PRKCZ: variants seen among roughly 807,000 people sequenced by gnomAD.
PRKCZ encodes the protein protein kinase C zeta type.
A neutral mutation model predicts 79.5 loss-of-function variants in PRKCZ; 33 were observed. The ratio of observed to expected loss-of-function variants is 0.41; its 90% confidence interval spans 0.31 to 0.55. The LOEUF is 0.55. PRKCZ is among the 20% of genes least tolerant of loss of function. PRKCZ has a pLI of 0.19. For missense variants in PRKCZ, 578 were observed against 813.5 expected (o/e 0.71, Z 3.52); for synonymous variants, 342 against 320.9 (o/e 1.07, Z -0.70).
chr1:2,178,886 G>A lies in PRKCZ; in HGVS notation c.1575+3573G>A, dbSNP rs72925877. On this transcript the variant is annotated intron_variant, in intron 16 of 17. Transcript: ENST00000378567. The surrounding 1 kb of genome is among the most constrained non-coding windows in gnomAD (Gnocchi z 4.3). ...TGAAAGGACACAGTGCCCGCCCCCC[G>A]AGTGTCCGAGGGTAGAGCTGGGACA... Among the ~76,000 whole-genome samples the A allele has an allele frequency of 9.5e-3, 1,443 of 152,294 alleles. 35 individuals are homozygous for A. The highest frequency in any genetic ancestry group is 0.032 in the African/African-American group (1,339 of 41,558).
At chr1:2,134,909 GA>G in intron 4 of PRKCZ, 1 of 170,362 alleles carries the variant, frequency 5.9e-6, no homozygotes, top group Non-Finnish European at 1.3e-5. Context: ...GGGTGGAAAG[GA>G]AAACAGGCAG....
chr1:2,154,447 A>G (rs1210134141), intron 9 of PRKCZ, among the ~76,000 whole-genome samples: 1 of 152,202 alleles, frequency 6.6e-6, no homozygotes, highest in East Asian at 1.9e-4. Context: ...ACACAGTCTC[A>G]GAGGCTAAAT....
chr1:2,055,364 G>C, intron 1 of PRKCZ, 77 bp from the exon 2 acceptor site: 6 of 1,492,446 alleles, frequency 4.0e-6, no homozygotes, highest in Non-Finnish European at 5.4e-6. Flanking sequence ...TCAATGATTT[G>C]GTTAGTTGGT....
At chr1:2,110,251 T>C (rs937231847) in intron 4 of PRKCZ, among the ~76,000 whole-genome samples, 1 of 151,566 alleles carries the variant, frequency 6.6e-6, no homozygotes, top group Non-Finnish European at 1.5e-5. Flanking sequence ...CTAAAACCAA[T>C]GGGTCCCAAC....
Position 2,055,374 on chromosome 1 carries a change from T to C in PRKCZ, c.72-67T>C, listed in dbSNP as rs1392489070. On this transcript the variant is annotated intron_variant, in intron 1 of 17. Transcript: ENST00000378567. ...TCTAATCAATGATTTGGTTAGTTGG[T>C]AATCATTTTTTAATTTGATTCAAAT... 9.2e-6 allele frequency: 14 copies of C among 1,517,254 alleles called. No individual in the cohort carries two copies. The South Asian group carries it at 1.2e-4, about 13-fold the overall frequency. 94.0% of individuals were successfully genotyped at this position (1,517,254 alleles called of 1,614,324 possible).
intron 4 of PRKCZ, among the ~76,000 whole-genome samples, chr1:2,130,600 G>T (rs1305099706): frequency 6.6e-6 from 1 of 152,034 alleles, no homozygotes. Context: ...TCTACAGGGG[G>T]CCCAGCAGGC....
intron 4 of PRKCZ, among the ~76,000 whole-genome samples, chr1:2,090,006 G>T (rs1349622761): frequency 6.6e-6 from 1 of 152,186 alleles, no homozygotes; most frequent in African/African-American, 2.4e-5. Context: ...GGCCAGGCCT[G>T]TCCCCTTGGC....
chr1:2,155,209 CGGTGATGAT>C (rs1332916542), intron 9 of PRKCZ, among the ~76,000 whole-genome samples: 1 of 149,386 alleles, frequency 6.7e-6, no homozygotes, highest in African/African-American at 2.5e-5. Context: ...TTGATGATGG[CGGTGATGAT>C]GGTGATGGCG....
intron 4 of PRKCZ, chr1:2,104,968 T>G: frequency 1.0e-6 from 1 of 973,956 alleles, no homozygotes; most frequent in Non-Finnish European, 1.2e-6. Flanking sequence ...GCGGCCGGCC[T>G]CACCCCGACA....
chr1:2,086,654 C>G (rs907960586), intron 4 of PRKCZ, among the ~76,000 whole-genome samples: 9 of 152,254 alleles, frequency 5.9e-5, no homozygotes, highest in African/African-American at 1.7e-4. Flanking sequence ...AACCTGCCTG[C>G]TGCTCCTGGG....
At chr1:2,086,494 A>G (rs1202827218) in intron 4 of PRKCZ, among the ~76,000 whole-genome samples, 1 of 152,030 alleles carries the variant, frequency 6.6e-6, no homozygotes, top group Non-Finnish European at 1.5e-5. Flanking sequence ...GGCTCCCCCC[A>G]TGCTACCCGC....
chr1:2,057,913 G>A (rs1025959658), intron 3 of PRKCZ, among the ~76,000 whole-genome samples: 3 of 151,546 alleles, frequency 2.0e-5, no homozygotes, highest in African/African-American at 4.9e-5. Context: ...TGTCGCCCAG[G>A]CTGGAGTGCA....
intron 4 of PRKCZ, among the ~76,000 whole-genome samples, chr1:2,115,874 C>G (rs1670656501): frequency 6.6e-6 from 1 of 152,170 alleles, no homozygotes; most frequent in African/African-American, 2.4e-5. Context: ...CTCTCCAGAC[C>G]ATGTCATTGA....
At chr1:2,097,878 G>C (rs1054133851) in intron 4 of PRKCZ, among the ~76,000 whole-genome samples, 1 of 152,254 alleles carries the variant, frequency 6.6e-6, no homozygotes, top group Non-Finnish European at 1.5e-5. Context: ...ACACCTGAAC[G>C]AGGGAGGTGG....
intron 9 of PRKCZ, among the ~76,000 whole-genome samples, chr1:2,152,740 C>T (rs1464917707): frequency 1.3e-5 from 2 of 152,224 alleles, no homozygotes; most frequent in Non-Finnish European, 2.9e-5. Context: ...GTCTTCTGCA[C>T]GCTTGACAGA....
chr1:2,177,092 G>A lies in PRKCZ; in HGVS notation c.1575+1779G>A, dbSNP rs1412385356. 2.0e-5 allele frequency among the ~76,000 whole-genome samples: 3 copies of A among 152,166 alleles called. No homozygotes were observed. The highest frequency in any genetic ancestry group is 4.8e-5 in the African/African-American group (2 of 41,432). ...CGCCCAGGCCGGGGTTAGAGGTGGC[G>A]TCCCTTTTCTCTGGCTCAGGCACCC... On this transcript the variant is annotated intron_variant, in intron 16 of 17. Coordinates refer to ENST00000378567, the MANE Select transcript of PRKCZ (RefSeq NM_002744.6). This position sits in a 1 kb window ranked among gnomAD's most constrained non-coding sequence, Gnocchi z 6.4.
chr1:2,108,674 G>A (rs1420645039), intron 4 of PRKCZ, among the ~76,000 whole-genome samples: 1 of 152,196 alleles, frequency 6.6e-6, no homozygotes, highest in African/African-American at 2.4e-5. Context: ...AGCAGGCCCC[G>A]AGTCCCCAGG....
chr1:2,093,771 C>G (rs373039041), intron 4 of PRKCZ, among the ~76,000 whole-genome samples: 12 of 152,298 alleles, frequency 7.9e-5, no homozygotes, highest in African/African-American at 2.9e-4. Flanking sequence ...AGAGGACGTG[C>G]TGTGTACGGT....
chr1:2,083,766 G>A (rs780122098), intron 4 of PRKCZ, among the ~76,000 whole-genome samples: 1 of 152,162 alleles, frequency 6.6e-6, no homozygotes, highest in Non-Finnish European at 1.5e-5. Flanking sequence ...TCTGGTAAAC[G>A]TGGGTATTCT....
Sources: gnomAD v4.1 joint callset for allele counts (sites outside exome capture counted in the v4.1 genomes callset) on GRCh38, gnomAD v4.1.1 for gene constraint, Gnocchi (gnomAD v3.1) non-coding constraint, MANE v1.5 for transcripts, NCBI Gene and HGNC (gene_info 2026-07-23, HGNC 2026-07-21) for gene names.